The following METTL15 variants were observed in gnomAD, a reference collection of about 807,000 sequenced individuals.
METTL15 encodes methyltransferase 15, mitochondrial 12S rRNA N4-cytidine, also known as 12S rRNA N(4)-cytidine methyltransferase METTL15.
Under a neutral mutation model 38.3 loss-of-function variants are expected in METTL15, and 34 were observed. The observed-to-expected ratio is 0.89, with a 90% confidence interval of 0.68 to 1.18. METTL15 has a LOEUF of 1.18. Among genes scored for constraint, METTL15 ranks in the 50% most tolerant of loss-of-function variants. The pLI, the probability that METTL15 is intolerant of heterozygous loss-of-function variation, is 0.00. For synonymous variants in METTL15, 162 were observed against 170.9 expected (o/e 0.95, Z 0.41); for missense variants, 438 against 498.4 (o/e 0.88, Z 1.15).
At chr11:28,199,268 C>T (rs563109553) in intron 3 of METTL15, among the ~76,000 whole-genome samples, 35 of 152,204 alleles carry the variant, frequency 2.3e-4, no homozygotes, top group Middle Eastern at 3.4e-3. Context: ...CTGTTACAAA[C>T]CAACCTTCTT....
chr11:28,142,775 G>T (rs1849743119), intron 3 of METTL15, among the ~76,000 whole-genome samples: 1 of 152,106 alleles, frequency 6.6e-6, no homozygotes, highest in African/African-American at 2.4e-5. Flanking sequence ...TTTGAGCAGA[G>T]GATGTGGGCT....
At chr11:28,170,195 A>G (rs1477506350) in intron 3 of METTL15, among the ~76,000 whole-genome samples, 1 of 152,156 alleles carries the variant, frequency 6.6e-6, no homozygotes, top group Non-Finnish European at 1.5e-5. Flanking sequence ...CGGAGCTGTG[A>G]TCCCAGAGCA....
intron 5 of METTL15, 58 bp from the exon 6 acceptor site, chr11:28,296,695 T>G (rs942720533): frequency 6.3e-7 from 1 of 1,581,086 alleles, no homozygotes; most frequent in Non-Finnish European, 8.7e-7. Context: ...CTCTGAAGTT[T>G]CACGTCTTGT....
intron 4 of METTL15, among the ~76,000 whole-genome samples, chr11:28,284,983 A>G (rs1856196041): frequency 6.6e-6 from 1 of 152,096 alleles, no homozygotes; most frequent in Non-Finnish European, 1.5e-5. Flanking sequence ...CCAGTCTTGT[A>G]GGCGGTTTCC....
chr11:28,325,482 C>T (rs759572305), intron 6 of METTL15, among the ~76,000 whole-genome samples: 1 of 152,156 alleles, frequency 6.6e-6, no homozygotes, highest in Non-Finnish European at 1.5e-5. Flanking sequence ...GCACACAGGC[C>T]GTACACACCC....
chr11:28,230,941 A>G (rs555350904), intron 4 of METTL15, among the ~76,000 whole-genome samples: 5 of 151,944 alleles, frequency 3.3e-5, no homozygotes, highest in Non-Finnish European at 7.4e-5. Context: ...CACAAGATAA[A>G]GCTCATTGTC....
intron 5 of METTL15, among the ~76,000 whole-genome samples, chr11:28,413,158 A>G (rs1464477542): frequency 1.3e-5 from 2 of 152,038 alleles, no homozygotes; most frequent in Non-Finnish European, 2.9e-5. Context: ...TGGAATACCC[A>G]TTTATACCCA....
intron 5 of METTL15, among the ~76,000 whole-genome samples, chr11:28,371,029 C>G (rs1009728315): frequency 6.6e-6 from 1 of 151,848 alleles, no homozygotes; most frequent in Admixed American, 6.6e-5. Flanking sequence ...TGATTGTTTT[C>G]TTTGCTCTAC....
At chr11:28,499,961 A>G (rs1161091119) in intron 6 of METTL15, among the ~76,000 whole-genome samples, 1 of 152,108 alleles carries the variant, frequency 6.6e-6, no homozygotes, top group Non-Finnish European at 1.5e-5. Flanking sequence ...ATTAAAAGTA[A>G]TAACTTTTTC....
chr11:28,354,439 G>A (rs1333709506), intron 4 of METTL15, among the ~76,000 whole-genome samples: 1 of 152,168 alleles, frequency 6.6e-6, no homozygotes, highest in Admixed American at 6.5e-5. Context: ...TACTAAGACA[G>A]AGAGGAACCT....
intron 6 of METTL15, among the ~76,000 whole-genome samples, chr11:28,456,070 A>T (rs948051191): frequency 3.3e-5 from 5 of 152,020 alleles, no homozygotes; most frequent in African/African-American, 4.8e-5. Context: ...CAGTGGCACG[A>T]TCATAGTTCA....
intron 4 of METTL15, among the ~76,000 whole-genome samples, chr11:28,243,238 C>T (rs1201109710): frequency 1.3e-5 from 2 of 152,102 alleles, no homozygotes; most frequent in African/African-American, 2.4e-5. Context: ...AGTCTCCCAG[C>T]AGCACTATTC....
At chr11:28,485,552 A>G (rs1348866562) in intron 6 of METTL15, among the ~76,000 whole-genome samples, 1 of 152,192 alleles carries the variant, frequency 6.6e-6, no homozygotes, top group Non-Finnish European at 1.5e-5. Flanking sequence ...ATAATGAATC[A>G]TATTGTTGGA....
chr11:28,366,337 G>A (rs1407839646), intron 5 of METTL15, among the ~76,000 whole-genome samples: 4 of 152,110 alleles, frequency 2.6e-5, no homozygotes, highest in Non-Finnish European at 4.4e-5. Context: ...ATATGGTGAG[G>A]CATTATATCC....
intron 6 of METTL15, among the ~76,000 whole-genome samples, chr11:28,314,724 C>T (rs1857421500): frequency 6.6e-6 from 1 of 152,190 alleles, no homozygotes; most frequent in Non-Finnish European, 1.5e-5. Context: ...CAAATCTCAT[C>T]TTGTAGGTCC....
intron 5 of METTL15, among the ~76,000 whole-genome samples, chr11:28,399,791 CACAA>C (rs1399999590): frequency 6.6e-6 from 1 of 151,692 alleles, no homozygotes; most frequent in African/African-American, 2.4e-5. Flanking sequence ...GTATAATTTG[CACAA>C]ATATTGGGAT....
At chr11:28,303,573 T>C (rs1856983023) in intron 6 of METTL15, among the ~76,000 whole-genome samples, 1 of 152,196 alleles carries the variant, frequency 6.6e-6, no homozygotes. Flanking sequence ...ATATTTGTGA[T>C]TCATGTTGAT....
chr11:28,444,585 A>G (rs758478692), intron 6 of METTL15, among the ~76,000 whole-genome samples: 4 of 152,170 alleles, frequency 2.6e-5, no homozygotes, highest in Non-Finnish European at 5.9e-5. Flanking sequence ...TGGCCTAATC[A>G]CTTAGTAGCC....
chr11:28,524,845 A>G (rs1851795812), intron 6 of METTL15, among the ~76,000 whole-genome samples: 2 of 152,190 alleles, frequency 1.3e-5, no homozygotes, highest in African/African-American at 4.8e-5. Context: ...CACTGACTTC[A>G]AGAATGAAGC....
Sources: allele counts gnomAD v4.1 joint callset (sites outside exome capture counted in the v4.1 genomes callset), GRCh38; gene constraint gnomAD v4.1.1; transcripts MANE v1.5; gene names NCBI Gene and HGNC (gene_info 2026-07-23, HGNC 2026-07-21).